DLG2: variants seen among roughly 807,000 people sequenced by gnomAD.
The protein encoded by DLG2 is disks large homolog 2.
In DLG2, 45 loss-of-function variants were observed where a neutral mutation model predicts 132.5. The ratio of observed to expected loss-of-function variants is 0.34; its 90% confidence interval spans 0.27 to 0.44. DLG2 has a LOEUF of 0.44. Among genes scored for constraint, DLG2 ranks in the 20% least tolerant of loss-of-function variants. The pLI, the probability that DLG2 is intolerant of heterozygous loss-of-function variation, is 1.00. For missense variants in DLG2, 1,045 were observed against 1,196.9 expected (o/e 0.87, Z 1.87); for synonymous variants, 424 against 419.6 (o/e 1.01, Z -0.13).
At chr11:84,660,630 A>G in intron 6 of DLG2, among the ~76,000 whole-genome samples, 1 of 152,168 alleles carries the variant, frequency 6.6e-6, no homozygotes. Flanking sequence ...TTTGAACTAG[A>G]CTATGATGGA....
intron 3 of DLG2, among the ~76,000 whole-genome samples, chr11:85,500,004 A>C (rs2093759835): frequency 6.6e-6 from 1 of 152,210 alleles, no homozygotes; most frequent in Non-Finnish European, 1.5e-5. Flanking sequence ...TGAATGGGCA[A>C]AAGCTAGAAG....
In DLG2 at chr11:84,741,180, C is replaced by T. The variant is rs1045940323; in HGVS notation, c.358-206449G>A. 4.7e-5 allele frequency among the ~76,000 whole-genome samples: 7 copies of T among 150,364 alleles called. No homozygotes were observed. The Admixed American group carries it at 4.7e-4, about 10-fold the overall frequency. ...CTTCCGGGTTCACGCCATTCTCCTG[C>T]CTCAGCCTCCCGAGTAGCTGGGACT... On this transcript the variant is annotated intron_variant, in intron 6 of 27. Transcript: ENST00000376104.
At chr11:84,413,037 A>G (rs2098915241) in intron 7 of DLG2, among the ~76,000 whole-genome samples, 1 of 152,188 alleles carries the variant, frequency 6.6e-6, no homozygotes, top group African/African-American at 2.4e-5. Context: ...AAAGCTAGAA[A>G]TAAGTCTTTC....
intron 6 of DLG2, among the ~76,000 whole-genome samples, chr11:84,819,107 A>ACACACAC (rs58113219): frequency 2.4e-5 from 3 of 125,552 alleles, no homozygotes; most frequent in African/African-American, 5.7e-5. Flanking sequence ...ACACACACAC[A>ACACACAC]ATTTCGTTTG....
At chr11:84,858,856 C>G (rs575922226) in intron 6 of DLG2, among the ~76,000 whole-genome samples, 1 of 151,740 alleles carries the variant, frequency 6.6e-6, no homozygotes, top group Non-Finnish European at 1.5e-5. Context: ...ACAATTAGTT[C>G]TCTTTTTAAT....
chr11:85,606,410 A>G (rs780498924), intron 2 of DLG2, among the ~76,000 whole-genome samples: 5 of 152,312 alleles, frequency 3.3e-5, no homozygotes, highest in Non-Finnish European at 7.4e-5. Flanking sequence ...TAAATGCACC[A>G]ATCAGTGCTC....
At chr11:84,178,692 T>C (rs1168730935) in intron 8 of DLG2, among the ~76,000 whole-genome samples, 1 of 151,438 alleles carries the variant, frequency 6.6e-6, no homozygotes, top group Non-Finnish European at 1.5e-5. Context: ...GCTACGTTGA[T>C]CTAAAGGCAC....
chr11:84,274,233 T>C (rs765485565), intron 7 of DLG2, among the ~76,000 whole-genome samples: 5 of 152,128 alleles, frequency 3.3e-5, no homozygotes, highest in Non-Finnish European at 7.4e-5. Flanking sequence ...AATGTCTCTG[T>C]AGGATTGCTG....
chr11:83,874,128 G>A (rs2064048150), intron 16 of DLG2, among the ~76,000 whole-genome samples: 1 of 150,590 alleles, frequency 6.6e-6, no homozygotes, highest in South Asian at 2.1e-4. Context: ...GACAGAGAAA[G>A]AAGAGTGGGG....
rs534636740 is a variant in DLG2, at chr11:83,851,132, G to A, written c.1566-17362C>T. Among the ~76,000 whole-genome samples, 4 of 150,926 alleles carry A rather than the reference G, an allele frequency of 2.7e-5. No individual in the cohort carries two copies. In the South Asian group the frequency reaches 6.3e-4, roughly 24 times the overall value. On this transcript the variant is annotated intron_variant, in intron 16 of 27. Coordinates refer to ENST00000376104, the MANE Select transcript of DLG2 (RefSeq NM_001142699.3). ...GTGGAGCTTGCAGTGAGCTGAGACC[G>A]CGGCACTGTACTCCAGCCTGGGTGA...
At chr11:84,681,022 C>T (rs1469911179) in intron 6 of DLG2, among the ~76,000 whole-genome samples, 11 of 152,108 alleles carry the variant, frequency 7.2e-5, no homozygotes, top group Admixed American at 7.2e-4. Flanking sequence ...GATGCAGTGG[C>T]CAACAAGATC....
chr11:83,553,153 G>A (rs2096432865), intron 19 of DLG2, among the ~76,000 whole-genome samples: 1 of 152,138 alleles, frequency 6.6e-6, no homozygotes, highest in Non-Finnish European at 1.5e-5. Context: ...CAAACTGTCT[G>A]AACTTCAGAA....
At chr11:83,466,861 T>C in intron 25 of DLG2, 44 bp from the exon 26 acceptor site, 5 of 1,350,228 alleles carry the variant, frequency 3.7e-6, no homozygotes, top group Non-Finnish European at 5.3e-6. Context: ...ATAGGAAGCA[T>C]GGCCATAATC....
rs549127978 is a variant in DLG2, at chr11:83,736,747, A to G, written c.1825+49943T>C. ...CCCTAAAGAATAAGAAGAAGAAGAA[A>G]AAAAAAGCATCCAAACTTGAAGAAC... On this transcript the variant is annotated intron_variant, in intron 18 of 27. Transcript: ENST00000376104. Among the ~76,000 whole-genome samples, 38 of 152,314 alleles carry G rather than the reference A, an allele frequency of 2.5e-4. 1 individual carries two copies. Among genetic ancestry groups the G allele is most frequent in the African/African-American group, 7.0e-4 (29 of 41,572 alleles).
chr11:85,198,875 T>C (rs1051498169), intron 4 of DLG2, among the ~76,000 whole-genome samples: 12 of 152,176 alleles, frequency 7.9e-5, no homozygotes, highest in African/African-American at 1.2e-4. Flanking sequence ...CTAGATTCAC[T>C]GGGGCTCCGT....
intron 6 of DLG2, among the ~76,000 whole-genome samples, chr11:84,594,058 C>T (rs1029301506): frequency 1.3e-5 from 2 of 151,910 alleles, no homozygotes; most frequent in East Asian, 1.9e-4. Flanking sequence ...AATGGCAGTG[C>T]AAATAATGAT....
chr11:84,344,056 C>T (rs570019389), intron 7 of DLG2, among the ~76,000 whole-genome samples: 41 of 151,848 alleles, frequency 2.7e-4, no homozygotes, highest in Non-Finnish European at 4.7e-4. Flanking sequence ...ACTTTATGTT[C>T]GAAAGAATAT....
chr11:83,881,566 T>C (rs1026039753), intron 15 of DLG2, among the ~76,000 whole-genome samples: 1 of 152,232 alleles, frequency 6.6e-6, no homozygotes, highest in Non-Finnish European at 1.5e-5. Context: ...GGACTGTGCA[T>C]TGTGGCAAAT....
chr11:83,761,618 C>T (rs1335743949), intron 18 of DLG2, among the ~76,000 whole-genome samples: 3 of 152,154 alleles, frequency 2.0e-5, no homozygotes. Flanking sequence ...CCCCCAACAT[C>T]ATATCTCAGG....
Sources: gnomAD v4.1 joint callset for allele counts (sites outside exome capture counted in the v4.1 genomes callset) on GRCh38, gnomAD v4.1.1 for gene constraint, MANE v1.5 for transcripts, NCBI Gene and HGNC (gene_info 2026-07-23, HGNC 2026-07-21) for gene names.